The following BUB3 variants were observed in gnomAD, a reference collection of about 807,000 sequenced individuals.
BUB3 encodes the protein BUB3 mitotic checkpoint protein, also known as mitotic checkpoint protein BUB3.
A neutral mutation model predicts 39.9 loss-of-function variants in BUB3; 22 were observed. The observed-to-expected ratio is 0.55, with a 90% CI of 0.39 to 0.79. The LOEUF is 0.79. BUB3 is among the 30% of genes least tolerant of loss of function. The probability of loss-of-function intolerance (pLI) is 0.00; values close to 1 mark genes in which losing one functional copy is unlikely to be tolerated. For synonymous variants in BUB3, 168 were observed against 155.1 expected (o/e 1.08, Z -0.62); for missense variants, 303 against 415.4 (o/e 0.73, Z 2.35).
intron 3 of BUB3, among the ~76,000 whole-genome samples, chr10:123,156,269 G>C (rs1844346280): frequency 6.6e-6 from 1 of 152,194 alleles, no homozygotes; most frequent in Admixed American, 6.5e-5. Flanking sequence ...ATCCAGATAT[G>C]AAATGACTTA....
rs1432834864 is a variant in BUB3, at chr10:123,166,414, A to G, written c.*2579A>G. ...TTATACATGACAGAAGGATCCTGAA[A>G]TATGACTTGCCCTTCTTGCATGCGA... On this transcript the variant is annotated 3_prime_UTR_variant, in exon 8 of 8. Coordinates refer to ENST00000368865, the MANE Select transcript of BUB3 (RefSeq NM_004725.4). The G allele has an allele frequency of 6.6e-6, 1 of 152,206 alleles. No individual in the cohort carries two copies. Among genetic ancestry groups the G allele is most frequent in the Non-Finnish European group, 1.5e-5 (1 of 68,032 alleles). 9.4% of individuals were successfully genotyped at this position (152,206 alleles called of 1,614,324 possible). A position where few individuals can be genotyped will look rare whatever the true frequency, so the allele number is the denominator to read the frequency against.
Position 123,164,418 on chromosome 10 carries a change from A to AT in BUB3, c.*585dup. The AT allele has an allele frequency of 7.1e-6, 7 of 985,650 alleles. No homozygotes were observed. Among genetic ancestry groups the AT allele is most frequent in the Non-Finnish European group, 4.8e-6 (4 of 830,112 alleles). 61.1% of individuals were successfully genotyped at this position (985,650 alleles called of 1,614,324 possible). A position where few individuals can be genotyped will look rare whatever the true frequency, so the allele number is the denominator to read the frequency against. ...TGGGAATCAGCTAGTTTTCAATCTT[A>AT]TTAGGGTGCAGAAGGAAAACTAATA... On this transcript the variant is annotated 3_prime_UTR_variant, in exon 8 of 8. Coordinates refer to ENST00000368865, the MANE Select transcript of BUB3 (RefSeq NM_004725.4).
rs1282306183 is a variant in BUB3, at chr10:123,164,802, A to G, written c.*967A>G. The G allele has an allele frequency of 7.9e-7, 1 of 1,267,224 alleles. No individual in the cohort carries two copies. Among genetic ancestry groups the G allele is most frequent in the South Asian group, 2.7e-5 (1 of 36,662 alleles). 78.5% of individuals were successfully genotyped at this position (1,267,224 alleles called of 1,614,324 possible). On this transcript the variant is annotated 3_prime_UTR_variant, in exon 8 of 8. Transcript: ENST00000368865. The stretch of plus-strand genomic sequence containing the variant: ...TGTAATGCACTAAAGCAGAACACGA[A>G]CTTAGCTTGGCCTATTCTAGGTAGT...
intron 3 of BUB3, among the ~76,000 whole-genome samples, chr10:123,156,808 G>A (rs1844354418): frequency 6.7e-6 from 1 of 148,800 alleles, no homozygotes; most frequent in African/African-American, 2.5e-5. Context: ...GTGCAGTGGT[G>A]TGATCTTGGC....
At position 123,165,208 on chromosome 10, in the gene BUB3, G is replaced by A. The variant is rs1387136421; in HGVS notation, c.*1373G>A. The A allele has an allele frequency of 2.3e-6, 2 of 869,076 alleles. No homozygotes were observed. Among genetic ancestry groups the A allele is most frequent in the Non-Finnish European group, 3.6e-6 (2 of 559,120 alleles). 53.8% of individuals were successfully genotyped at this position (869,076 alleles called of 1,614,324 possible). ...CTATGTACCTTAATACTTTGTTTAG[G>A]ATGAGGAGTCTTTGTGTCCCTGTAC... On this transcript the variant is annotated 3_prime_UTR_variant, in exon 8 of 8. Coordinates refer to ENST00000368865, the MANE Select transcript of BUB3 (RefSeq NM_004725.4).
rs1844471652 is a variant in BUB3, at chr10:123,165,024, G to C, written c.*1189G>C. On this transcript the variant is annotated 3_prime_UTR_variant, in exon 8 of 8. Coordinates refer to ENST00000368865, the MANE Select transcript of BUB3 (RefSeq NM_004725.4). ...TGGTGTAAGTCTGAACCCATCTTTT[G>C]AAATGTATTTTCTTCATTGCAGGTC... 2 of 1,610,744 alleles carry C rather than the reference G, an allele frequency of 1.2e-6. No homozygotes were observed. Among genetic ancestry groups the C allele is most frequent in the Non-Finnish European group, 1.7e-6 (2 of 1,178,556 alleles).
rs1412726551 is a variant in BUB3, at chr10:123,166,991, A to G, written c.*3156A>G. ...TGCCAAAGGTATCTTCTATACCCTAATAACACTAGCTTCCTTCCCTCAGTG... is the reference window on the plus strand; with the variant it reads ...TGCCAAAGGTATCTTCTATACCCTAGTAACACTAGCTTCCTTCCCTCAGTG... On this transcript the variant is annotated 3_prime_UTR_variant, in exon 8 of 8. Transcript: ENST00000368865. 2 of 152,244 alleles carry G rather than the reference A, an allele frequency of 1.3e-5. No homozygotes were observed. Among genetic ancestry groups the G allele is most frequent in the Non-Finnish European group, 2.9e-5 (2 of 68,046 alleles). The allele number at this position is 152,244 out of a possible 1,614,324, so 9.4% of individuals were successfully genotyped here. A position where few individuals can be genotyped will look rare whatever the true frequency, so the allele number is the denominator to read the frequency against.
At chr10:123,158,024 C>A in intron 4 of BUB3, 144 bp downstream of exon 4, 1 of 913,222 alleles carries the variant, frequency 1.1e-6, no homozygotes, top group Non-Finnish European at 1.5e-6. Flanking sequence ...TTTATAAATC[C>A]AACTACATAG....
Position 123,168,805 on chromosome 10 carries a change from G to A in BUB3, c.*4970G>A, listed in dbSNP as rs1480002255. The A allele has an allele frequency of 6.6e-6, 1 of 151,940 alleles. No homozygotes were observed. The highest frequency in any genetic ancestry group is 1.5e-5 in the Non-Finnish European group (1 of 68,062). The allele number at this position is 151,940 out of a possible 1,614,324, so 9.4% of individuals were successfully genotyped here. A position where few individuals can be genotyped will look rare whatever the true frequency, so the allele number is the denominator to read the frequency against. ...TGACTTCAGGTAATCCGCCCTCCTT[G>A]GTCTCCCAAAGTGCTGGGATACAGG... On this transcript the variant is annotated 3_prime_UTR_variant, in exon 8 of 8. Coordinates refer to ENST00000368865, the MANE Select transcript of BUB3 (RefSeq NM_004725.4).
Position 123,154,503 on chromosome 10 carries a change from C to G in BUB3, c.-1+18C>G, listed in dbSNP as rs1328801211. 1 of 160,992 alleles carries G rather than the reference C, an allele frequency of 6.2e-6. No individual in the cohort carries two copies. Among genetic ancestry groups the G allele is most frequent in the Non-Finnish European group, 1.4e-5 (1 of 73,978 alleles). The allele number at this position is 160,992 out of a possible 1,614,324, so 10.0% of individuals were successfully genotyped here. ...AGCCCAAGGTAGGGAGGCGAGGCGACGGTGTGCGGGAGCGGGCTCTCCAGG... is the reference window on the plus strand; with the variant it reads ...AGCCCAAGGTAGGGAGGCGAGGCGAGGGTGTGCGGGAGCGGGCTCTCCAGG... On this transcript the variant is annotated intron_variant, in intron 1 of 7. Transcript: ENST00000368865.
rs747494124 is a variant in BUB3 at position 123,165,012 on chromosome 10, A to T, written c.*1177A>T. ...TCAGTGAAAACTTGGTGTAAGTCTGAACCCATCTTTTGAAATGTATTTTCT... is the reference window on the plus strand; with the variant it reads ...TCAGTGAAAACTTGGTGTAAGTCTGTACCCATCTTTTGAAATGTATTTTCT... On this transcript the variant is annotated 3_prime_UTR_variant, in exon 8 of 8. Coordinates refer to ENST00000368865, the MANE Select transcript of BUB3 (RefSeq NM_004725.4). The T allele has an allele frequency of 1.4e-5, 23 of 1,612,372 alleles. No homozygotes were observed. Among genetic ancestry groups the T allele is most frequent in the Non-Finnish European group, 1.9e-5 (22 of 1,179,418 alleles).
In BUB3 at chr10:123,168,820, T is replaced by G. The variant is rs1490856523; in HGVS notation, c.*4985T>G. On this transcript the variant is annotated 3_prime_UTR_variant, in exon 8 of 8. Transcript: ENST00000368865. ...CGCCCTCCTTGGTCTCCCAAAGTGCTGGGATACAGGCATGAGCCACTGCAC... is the reference window on the plus strand; with the variant it reads ...CGCCCTCCTTGGTCTCCCAAAGTGCGGGGATACAGGCATGAGCCACTGCAC... 2 of 152,270 alleles carry G rather than the reference T, an allele frequency of 1.3e-5. No individual in the cohort carries two copies. Among genetic ancestry groups the G allele is most frequent in the Non-Finnish European group, 2.9e-5 (2 of 68,082 alleles). The allele number at this position is 152,270 out of a possible 1,614,324, so 9.4% of individuals were successfully genotyped here.
intron 4 of BUB3, among the ~76,000 whole-genome samples, chr10:123,158,369 T>A (rs1844377043): frequency 6.6e-6 from 1 of 152,234 alleles, no homozygotes; most frequent in Non-Finnish European, 1.5e-5. Flanking sequence ...GTATATTTAT[T>A]TTTTAATACT....
chr10:123,155,244 G>T, intron 2 of BUB3, 132 bp downstream of exon 2: 1 of 1,037,576 alleles, frequency 9.6e-7, no homozygotes. Flanking sequence ...TAGCTTTTCA[G>T]GAGCATCTGC....
intron 1 of BUB3, 103 bp from the exon 2 acceptor site, chr10:123,154,815 C>T (rs1844325041): frequency 4.0e-6 from 5 of 1,259,128 alleles, no homozygotes; most frequent in South Asian, 1.4e-5. Flanking sequence ...TCCTCGCGGT[C>T]GTCCTCTCGG....
rs1343048584 is a variant in BUB3, at chr10:123,164,931, A to G, written c.*1096A>G. Reference sequence around the variant, plus strand: ...TTTCCTGAGATTTATTTTATCCGTGATGTATTTTTTTTAATTCTTTTGATA... The same window carrying G: ...TTTCCTGAGATTTATTTTATCCGTGGTGTATTTTTTTTAATTCTTTTGATA... On this transcript the variant is annotated 3_prime_UTR_variant, in exon 8 of 8. Coordinates refer to ENST00000368865, the MANE Select transcript of BUB3 (RefSeq NM_004725.4). 2.0e-6 allele frequency: 3 copies of G among 1,479,728 alleles called. No homozygotes were observed. The highest frequency in any genetic ancestry group is 2.9e-5 in the African/African-American group (2 of 70,050). The allele number at this position is 1,479,728 out of a possible 1,614,324, so 91.7% of individuals were successfully genotyped here.
chr10:123,164,849 C>CA lies in BUB3; in HGVS notation c.*1017dup. On this transcript the variant is annotated 3_prime_UTR_variant, in exon 8 of 8. Coordinates refer to ENST00000368865, the MANE Select transcript of BUB3 (RefSeq NM_004725.4). ...TAGTTCCAAATAGTATTTTTGTTGT[C>CA]AAACTTTAAAATTTATATTAATTTG... 1.5e-6 allele frequency: 2 copies of CA among 1,352,088 alleles called. No individual in the cohort carries two copies. Among genetic ancestry groups the CA allele is most frequent in the Non-Finnish European group, 1.9e-6 (2 of 1,054,134 alleles). 83.8% of individuals were successfully genotyped at this position (1,352,088 alleles called of 1,614,324 possible). A position where few individuals can be genotyped will look rare whatever the true frequency, so the allele number is the denominator to read the frequency against.
chr10:123,164,797 C>A lies in BUB3; in HGVS notation c.*962C>A. The A allele has an allele frequency of 8.0e-7, 1 of 1,255,032 alleles. No individual in the cohort carries two copies. Among genetic ancestry groups the A allele is most frequent in the Non-Finnish European group, 1.0e-6 (1 of 998,052 alleles). The allele number at this position is 1,255,032 out of a possible 1,614,324, so 77.7% of individuals were successfully genotyped here. A position where few individuals can be genotyped will look rare whatever the true frequency, so the allele number is the denominator to read the frequency against. ...TTCAATGTAATGCACTAAAGCAGAA[C>A]ACGAACTTAGCTTGGCCTATTCTAG... On this transcript the variant is annotated 3_prime_UTR_variant, in exon 8 of 8. Transcript: ENST00000368865.
chr10:123,160,303 G>A (rs1844403826), intron 4 of BUB3, 104 bp from the exon 5 acceptor site: 1 of 1,054,288 alleles, frequency 9.5e-7, no homozygotes, highest in East Asian at 2.6e-5. Context: ...AATTCAGTCA[G>A]CTAATTTTTT....
Sources: allele counts gnomAD v4.1 joint callset (sites outside exome capture counted in the v4.1 genomes callset), GRCh38; gene constraint gnomAD v4.1.1; transcripts MANE v1.5; gene names NCBI Gene and HGNC (gene_info 2026-07-23, HGNC 2026-07-21).